The following CDT1 variants were observed in gnomAD, a reference collection of about 807,000 sequenced individuals.
The protein encoded by CDT1 is DNA replication factor Cdt1.
Under a neutral mutation model 49.3 loss-of-function variants are expected in CDT1, and 66 were observed. That is an observed-to-expected ratio of 1.34 (90% confidence interval 1.10 to 1.64). CDT1 has a LOEUF of 1.64. Among genes scored for constraint, CDT1 ranks in the 40% most tolerant of loss-of-function variants. The pLI, the probability that CDT1 is intolerant of heterozygous loss-of-function variation, is 0.00. For synonymous variants in CDT1, 424 were observed against 347.4 expected, an observed-to-expected ratio of 1.22 and a Z score of -2.45; for missense variants, 958 against 807.7, an observed-to-expected ratio of 1.19 and a Z score of -2.26.
chr16:88,804,693 G>A (rs1382511372), intron 2 of CDT1, 26 bp downstream of exon 2: 2 of 1,612,284 alleles, frequency 1.2e-6, no homozygotes, highest in Admixed American at 1.7e-5. Context: ...TGGGGCAGAT[G>A]CGGGAGGGCT....
rs1413530181 is a variant in CDT1, at chr16:88,808,297, A to G, written c.*19A>G. The G allele has an allele frequency of 1.1e-5, 17 of 1,567,552 alleles. No homozygotes were observed. In the South Asian group the frequency reaches 1.6e-4, roughly 15 times the overall value. On this transcript the variant is annotated 3_prime_UTR_variant, in exon 10 of 10. Transcript: ENST00000301019. ...GCTGTGAGCCTGGGGGCCACTGTGG[A>G]CAGACGTGGGCTTCAGAAGCTCGCT...
Position 88,807,312 on chromosome 16 carries a change from C to T in CDT1, c.1307C>T (p.Ala436Val), listed in dbSNP as rs1235556494. 7 of 1,612,342 alleles carry T rather than the reference C, an allele frequency of 4.3e-6. No individual in the cohort carries two copies. In the Admixed American group the frequency reaches 1.2e-4, roughly 27 times the overall value. The change falls in exon 9 of 10, where the codon GCA (alanine) becomes GTA (valine). Residue 436 changes from alanine (A) to valine (V), a missense_variant. By Grantham distance (64) the Ala-to-Val change is moderately conservative. Transcript: ENST00000301019. ...IRAKEAQKQLAQMTRCPEQEQ... is the reference protein window; with the variant it reads ...IRAKEAQKQLVQMTRCPEQEQ... ...GCCAAGGAGGCACAGAAGCAGCTGGCACAGATGACGCGGTGCCCGGAGCAG... is the reference window on the plus strand; with the variant it reads ...GCCAAGGAGGCACAGAAGCAGCTGGTACAGATGACGCGGTGCCCGGAGCAG...
intron 4 of CDT1, 37 bp from the exon 5 acceptor site, chr16:88,805,687 C>CG (rs956776049): frequency 1.2e-6 from 2 of 1,612,406 alleles, no homozygotes; most frequent in African/African-American, 2.7e-5. Context: ...GGGGTGGGCC[C>CG]GGGCCTGCCT....
Position 88,804,688 on chromosome 16 carries a change from C to T in CDT1, c.351+21C>T, listed in dbSNP as rs1181717951. The T allele has an allele frequency of 3.7e-6, 6 of 1,612,302 alleles. No homozygotes were observed. The South Asian group carries it at 6.6e-5, about 18-fold the overall frequency. ...ACCAGGTGAGGGGCGGGGCCTGGGG[C>T]AGATGCGGGAGGGCTGAGTGGTGCC... is the stretch of plus-strand genomic sequence containing the variant. On this transcript the variant is annotated intron_variant, in intron 2 of 9. Coordinates refer to ENST00000301019, the MANE Select transcript of CDT1 (RefSeq NM_030928.4).
chr16:88,806,709 C>G, intron 7 of CDT1, 35 bp downstream of exon 7: 6 of 1,562,314 alleles, frequency 3.8e-6, no homozygotes, highest in Non-Finnish European at 5.2e-6. Context: ...CCATTTCTCC[C>G]GGGTGGGTGG....
chr16:88,806,131 C>T lies in CDT1; in HGVS notation c.933+10C>T. The T allele has an allele frequency of 6.3e-7, 1 of 1,581,396 alleles. No homozygotes were observed. On this transcript the variant is annotated intron_variant, in intron 6 of 9. Coordinates refer to ENST00000301019, the MANE Select transcript of CDT1 (RefSeq NM_030928.4). ...CAAGGAGCACCACAAGGTGAGCGGC[C>T]CCCGGCCCCGCTGTGTGAAGATGGT...
chr16:88,806,770 C>A, intron 7 of CDT1, 96 bp downstream of exon 7: 3 of 1,449,266 alleles, frequency 2.1e-6, no homozygotes, highest in South Asian at 1.2e-5. Flanking sequence ...ATGAGCTTGA[C>A]GCCTCATCTG....
rs767534279 is a variant in CDT1 at position 88,807,241 on chromosome 16, GACCTGCTGCCCACTAACCAGGTCCCGGT to G, written c.1276-30_1276-3del. 5.6e-6 allele frequency: 9 copies of G among 1,611,090 alleles called. No homozygotes were observed. The highest frequency in any genetic ancestry group is 7.6e-6 in the Non-Finnish European group (9 of 1,179,466). Reference sequence around the variant, plus strand: ...CAGTGATGGCGGGTGGGCGCCTGGTGACCTGCTGCCCACTAACCAGGTCCCGGTACCTGCTGCAGATCCGAGCCAAGGA... The same window carrying G: ...CAGTGATGGCGGGTGGGCGCCTGGTGACCTGCTGCAGATCCGAGCCAAGGA... On this transcript the variant is annotated splice_polypyrimidine_tract_variant and intron_variant, in intron 8 of 9. Transcript: ENST00000301019.
rs1597506511 is a variant in CDT1 at position 88,807,453 on chromosome 16, T to C, written c.1448T>C (p.Val483Ala). 1.2e-6 allele frequency: 2 copies of C among 1,613,116 alleles called. No homozygotes were observed. The highest frequency in any genetic ancestry group is 1.3e-5 in the African/African-American group (1 of 75,040). ...LSMEVACARM[V>A]GSCCTIMSPG... ...ATGGAGGTGGCCTGTGCCAGGATGG[T>C]GGGCAGCTGTTGTACTATCATGAGC... Residue 483 changes from valine (V) to alanine (A), a missense_variant, in exon 9 of 10, where the codon GTG (valine) becomes GCG (alanine). By Grantham distance (64) the Val-to-Ala change is moderately conservative. Coordinates refer to ENST00000301019, the MANE Select transcript of CDT1 (RefSeq NM_030928.4).
At chr16:88,804,181 G>A in intron 1 of CDT1, 122 bp downstream of exon 1, 1 of 726,276 alleles carries the variant, frequency 1.4e-6, no homozygotes, top group Non-Finnish European at 2.0e-6. Context: ...GGGGGGACGG[G>A]GCGCAGGGAA....
chr16:88,805,666 T>A, intron 4 of CDT1, 29 bp downstream of exon 4: 1 of 1,612,492 alleles, frequency 6.2e-7, no homozygotes, highest in Non-Finnish European at 8.5e-7. Flanking sequence ...GCTGTGGCTG[T>A]CCTGGAGTTG....
At chr16:88,807,525 C>T in intron 9 of CDT1, 43 bp downstream of exon 9, 1 of 1,566,220 alleles carries the variant, frequency 6.4e-7, no homozygotes, top group Non-Finnish European at 8.8e-7. Context: ...GGTGGAATTG[C>T]CTGGTGCTGC....
At chr16:88,804,706 G>A (rs763102684) in intron 2 of CDT1, 39 bp downstream of exon 2, 21 of 1,612,170 alleles carry the variant, frequency 1.3e-5, no homozygotes, top group East Asian at 2.2e-5. Flanking sequence ...GGAGGGCTGA[G>A]TGGTGCCGGC....
chr16:88,804,535 C>T lies in CDT1; in HGVS notation c.229-10C>T, dbSNP rs746776553. The T allele has an allele frequency of 1.9e-6, 3 of 1,611,508 alleles. No individual in the cohort carries two copies. The highest frequency in any genetic ancestry group is 1.1e-5 in the South Asian group (1 of 90,796). On this transcript the variant is annotated splice_polypyrimidine_tract_variant and intron_variant, in intron 1 of 9. Coordinates refer to ENST00000301019, the MANE Select transcript of CDT1 (RefSeq NM_030928.4). ...TGTCATGAGTTCACCCTTGGGGTCC[C>T]TCCCACCAGGTTTCCAGCCCCAGTA...
intron 7 of CDT1, among the ~76,000 whole-genome samples, 175 bp downstream of exon 7, chr16:88,806,849 A>G (rs1041877192): frequency 1.3e-5 from 2 of 152,210 alleles, no homozygotes; most frequent in African/African-American, 4.8e-5. Flanking sequence ...TGCAGCCTCT[A>G]AGCCTGGCTC....
In CDT1 at chr16:88,808,215, C is replaced by G. The variant is rs141757329; in HGVS notation, c.1578C>G (p.Ala526=). ...ACACCTACGTCAAGCTGGACAAGGC[C>G]GCGGACCTCGCCCACATCACTGCAC... ...RTDTYVKLDK[A]ADLAHITARL... is the part of the protein sequence containing the mutation. Residue 526 remains alanine (A), a synonymous_variant, in exon 10 of 10, where the codon GCC becomes GCG. Transcript: ENST00000301019. The G allele has an allele frequency of 6.2e-7, 1 of 1,610,828 alleles. No homozygotes were observed. Among genetic ancestry groups the G allele is most frequent in the South Asian group, 1.1e-5 (1 of 90,626 alleles).
chr16:88,805,817 T>C lies in CDT1; in HGVS notation c.780T>C (p.Asp260=). The C allele has an allele frequency of 6.2e-7, 1 of 1,613,128 alleles. No individual in the cohort carries two copies. Among genetic ancestry groups the C allele is most frequent in the Non-Finnish European group, 8.5e-7 (1 of 1,179,964 alleles). The part of the protein sequence containing the change: ...RQERSVPTFK[D]GTRRSDYQLT... ...AGCGCAGTGTCCCCACCTTCAAGGATGGCACCAGGAGGTCAGATTACCAGC... is the reference window on the plus strand; with the variant it reads ...AGCGCAGTGTCCCCACCTTCAAGGACGGCACCAGGAGGTCAGATTACCAGC... The change falls in exon 5 of 10, where the codon GAT becomes GAC. Residue 260 remains aspartate, a synonymous_variant. Coordinates refer to ENST00000301019, the MANE Select transcript of CDT1 (RefSeq NM_030928.4).
rs1298235721 is a variant in CDT1, at chr16:88,808,254, G to C, written c.1617G>C (p.Gln539His). Residue 539 changes from glutamine to histidine, a missense_variant, in exon 10 of 10, where the codon CAG becomes CAC. Gln to His is a conservative substitution (Grantham distance 24). Coordinates refer to ENST00000301019, the MANE Select transcript of CDT1 (RefSeq NM_030928.4). Reference protein sequence around the residue: ...LAHITARLAHQTRAEEGL With the variant: ...LAHITARLAHHTRAEEGL ...ACATCACTGCACGCCTGGCCCACCA[G>C]ACACGTGCTGAGGAGGGGCTGTGAG... 1.9e-6 allele frequency: 3 copies of C among 1,597,552 alleles called. No homozygotes were observed. Among genetic ancestry groups the C allele is most frequent in the Non-Finnish European group, 2.6e-6 (3 of 1,172,752 alleles).
chr16:88,806,378 G>A (rs1388654871), intron 6 of CDT1, 108 bp from the exon 7 acceptor site: 13 of 1,330,338 alleles, frequency 9.8e-6, no homozygotes, highest in Admixed American at 2.0e-5. Context: ...GAGGCTGAGT[G>A]ACTTGCCCGA....
Sources: allele counts gnomAD v4.1 joint callset (sites outside exome capture counted in the v4.1 genomes callset), GRCh38; gene constraint gnomAD v4.1.1; transcripts MANE v1.5; gene names NCBI Gene and HGNC (gene_info 2026-07-23, HGNC 2026-07-21).